The following FUT9 variants were observed in gnomAD, a reference collection of about 807,000 sequenced individuals.
The protein encoded by FUT9 is 4-galactosyl-N-acetylglucosaminide 3-alpha-L-fucosyltransferase 9.
FUT9 carries 15 observed loss-of-function variants against 29.7 expected under a neutral mutation model. The ratio of observed to expected loss-of-function variants is 0.51; its 90% CI spans 0.34 to 0.78. The LOEUF is 0.78. Ranked by LOEUF, FUT9 falls within the 30% of genes least tolerant of loss-of-function variation. FUT9 has a pLI of 0.01. For synonymous variants in FUT9, 169 were observed against 153.7 expected, an observed-to-expected ratio of 1.10 and a Z score of -0.74; for missense variants, 319 against 425.4, an observed-to-expected ratio of 0.75 and a Z score of 2.20.
At chr6:96,118,506 A>T (rs969398582) in intron 2 of FUT9, among the ~76,000 whole-genome samples, 1 of 152,218 alleles carries the variant, frequency 6.6e-6, no homozygotes, top group Non-Finnish European at 1.5e-5. Flanking sequence ...GGTGTAAACA[A>T]ACTTATTGCA....
At position 96,203,717 on chromosome 6, in the gene FUT9, T is replaced by G; in HGVS notation, c.562T>G (p.Leu188Val). The G allele has an allele frequency of 1.2e-6, 2 of 1,613,954 alleles. No individual in the cohort carries two copies. The highest frequency in any genetic ancestry group is 1.7e-6 in the Non-Finnish European group (2 of 1,179,996). ...FVFEVPSKEK[L>V]VCWVVSNWNP... ...GTTTGAAGTGCCAAGCAAAGAGAAA[T>G]TGGTGTGCTGGGTTGTGAGTAACTG... The change falls in exon 3 of 3, where the codon TTG (leucine) becomes GTG (valine). Residue 188 changes from leucine to valine, a missense_variant. By Grantham distance (32) the Leu-to-Val change is conservative. Coordinates refer to ENST00000302103, the MANE Select transcript of FUT9 (RefSeq NM_006581.4).
At chr6:96,021,189 C>A (rs1770062243) in intron 1 of FUT9, among the ~76,000 whole-genome samples, 1 of 151,962 alleles carries the variant, frequency 6.6e-6, no homozygotes. Flanking sequence ...TAAGGCTTGA[C>A]AACAAAAATT....
intron 2 of FUT9, among the ~76,000 whole-genome samples, chr6:96,140,031 A>G (rs995150766): frequency 1.3e-5 from 2 of 152,156 alleles, no homozygotes; most frequent in Non-Finnish European, 2.9e-5. Context: ...AAATTTTTCA[A>G]ACTTTTATAC....
At chr6:96,141,268 C>T (rs1421774914) in intron 2 of FUT9, among the ~76,000 whole-genome samples, 2 of 152,044 alleles carry the variant, frequency 1.3e-5, no homozygotes, top group African/African-American at 4.8e-5. Flanking sequence ...GCTTTTGTAT[C>T]ATTTTTCCAA....
chr6:96,132,627 C>G (rs968035327), intron 2 of FUT9, among the ~76,000 whole-genome samples: 1 of 152,002 alleles, frequency 6.6e-6, no homozygotes, highest in African/African-American at 2.4e-5. Flanking sequence ...ATACATTTTG[C>G]CAGACATTTA....
intron 1 of FUT9, among the ~76,000 whole-genome samples, chr6:96,023,412 T>G (rs1770108611): frequency 6.6e-6 from 1 of 151,926 alleles, no homozygotes; most frequent in African/African-American, 2.4e-5. Context: ...CAGGACATCA[T>G]CTGTATAGTG....
Position 96,214,450 on chromosome 6 carries a change from C to A in FUT9, c.*10215C>A, listed in dbSNP as rs1163541755. On this transcript the variant is annotated 3_prime_UTR_variant, in exon 3 of 3. Coordinates refer to ENST00000302103, the MANE Select transcript of FUT9 (RefSeq NM_006581.4). ...TAGGGGAAGAAAAAGTAGGCCTACC[C>A]TTTTACTTATTAACTTAAGTAATAA... 4 of 166,886 alleles carry A rather than the reference C, an allele frequency of 2.4e-5. No individual in the cohort carries two copies. The highest frequency in any genetic ancestry group is 5.9e-5 in the Non-Finnish European group (4 of 68,038). The allele number at this position is 166,886 out of a possible 1,614,324, so 10.3% of individuals were successfully genotyped here.
chr6:96,059,388 G>A (rs531447564), intron 1 of FUT9, among the ~76,000 whole-genome samples: 14 of 152,266 alleles, frequency 9.2e-5, no homozygotes, highest in African/African-American at 3.1e-4. Context: ...CCAACCACTT[G>A]TGTGCACACC....
chr6:96,100,550 T>A (rs1771571000), intron 1 of FUT9, among the ~76,000 whole-genome samples: 1 of 152,100 alleles, frequency 6.6e-6, no homozygotes, highest in African/African-American at 2.4e-5. Flanking sequence ...GAGATATTAA[T>A]CAAAAGCCAA....
At chr6:96,077,219 C>T (rs2127949462) in intron 1 of FUT9, among the ~76,000 whole-genome samples, 1 of 152,180 alleles carries the variant, frequency 6.6e-6, no homozygotes, top group South Asian at 2.1e-4. Flanking sequence ...CTCACAGTTG[C>T]TCCCCCACCA....
intron 1 of FUT9, among the ~76,000 whole-genome samples, chr6:96,108,721 C>T (rs1460941560): frequency 6.6e-6 from 1 of 152,114 alleles, no homozygotes. Flanking sequence ...GCTGAAGTGC[C>T]TTGTCGTTAT....
intron 1 of FUT9, among the ~76,000 whole-genome samples, chr6:96,033,486 A>G (rs935218215): frequency 1.3e-5 from 2 of 151,676 alleles, no homozygotes; most frequent in South Asian, 4.1e-4. Context: ...TCCACATTCA[A>G]TTGAAACAGC....
intron 1 of FUT9, among the ~76,000 whole-genome samples, chr6:96,100,489 A>C (rs1383023502): frequency 1.3e-5 from 2 of 152,212 alleles, no homozygotes; most frequent in African/African-American, 4.8e-5. Context: ...TAAAGTGAGA[A>C]AGATTTCACT....
intron 1 of FUT9, among the ~76,000 whole-genome samples, chr6:96,056,448 C>T (rs1335832295): frequency 2.6e-5 from 4 of 152,180 alleles, no homozygotes; most frequent in African/African-American, 9.7e-5. Context: ...GTTTATGTAA[C>T]TTATACTAGA....
At chr6:96,178,025 C>T (rs1418464917) in intron 2 of FUT9, among the ~76,000 whole-genome samples, 2 of 152,130 alleles carry the variant, frequency 1.3e-5, no homozygotes, top group African/African-American at 4.8e-5. Flanking sequence ...ACTAAAAGAG[C>T]ATCACACTTA....
chr6:96,101,738 T>C (rs561320520), intron 1 of FUT9, among the ~76,000 whole-genome samples: 8 of 151,528 alleles, frequency 5.3e-5, no homozygotes, highest in African/African-American at 1.7e-4. Flanking sequence ...ACTGCAACCT[T>C]GACCTCTTGG....
At chr6:96,027,796 G>A (rs1005134044) in intron 1 of FUT9, among the ~76,000 whole-genome samples, 4 of 151,246 alleles carry the variant, frequency 2.6e-5, no homozygotes, top group African/African-American at 9.7e-5. Flanking sequence ...TCACTTCAAG[G>A]GCTGTATTTT....
chr6:96,027,464 A>G (rs1337037695), intron 1 of FUT9, among the ~76,000 whole-genome samples: 1 of 151,400 alleles, frequency 6.6e-6, no homozygotes, highest in East Asian at 1.9e-4. Context: ...TTGCGTTCAG[A>G]TAGATGTCTG....
rs183516744 is a variant in FUT9 at position 96,202,508 on chromosome 6, C to T, written c.-8-640C>T. On this transcript the variant is annotated intron_variant, in intron 2 of 2. Transcript: ENST00000302103. Reference sequence around the variant, plus strand: ...TGTAAGAAAAATATATAAATAAAAACAAAACACTGTGAGTTTTGAATTTAT... The same window carrying T: ...TGTAAGAAAAATATATAAATAAAAATAAAACACTGTGAGTTTTGAATTTAT... 4.2e-3 allele frequency among the ~76,000 whole-genome samples: 645 copies of T among 151,944 alleles called. 5 individuals are homozygous for T. Among genetic ancestry groups the T allele is most frequent in the African/African-American group, 0.015 (622 of 41,484 alleles).
Sources: allele counts gnomAD v4.1 joint callset (sites outside exome capture counted in the v4.1 genomes callset), GRCh38; gene constraint gnomAD v4.1.1; transcripts MANE v1.5; gene names NCBI Gene and HGNC (gene_info 2026-07-23, HGNC 2026-07-21).